The following CDH12 variants were observed in gnomAD, a reference collection of about 807,000 sequenced individuals.
CDH12 encodes cadherin 12, also known as cadherin-12.
CDH12 carries 41 observed loss-of-function variants against 74.1 expected under a neutral mutation model. That is an observed-to-expected ratio of 0.55 (90% confidence interval 0.43 to 0.72). CDH12 has a LOEUF of 0.72. CDH12 is among the 30% of genes least tolerant of loss of function. The probability of loss-of-function intolerance (pLI) is 0.00; values close to 1 mark genes in which losing one functional copy is unlikely to be tolerated. For synonymous variants in CDH12, 399 were observed against 355.0 expected, an observed-to-expected ratio of 1.12 and a Z score of -1.39; for missense variants, 945 against 977.2, an observed-to-expected ratio of 0.97 and a Z score of 0.44.
chr5:22,228,862 A>T (rs1047439411), intron 3 of CDH12, among the ~76,000 whole-genome samples: 8 of 152,192 alleles, frequency 5.3e-5, no homozygotes, highest in African/African-American at 1.9e-4. Context: ...TAACATAATT[A>T]AAGATAAAAT....
intron 2 of CDH12, among the ~76,000 whole-genome samples, chr5:22,443,634 C>T (rs573119691): frequency 4.5e-4 from 69 of 151,960 alleles, no homozygotes; most frequent in East Asian, 2.5e-3. Context: ...ATGATACAAA[C>T]GCATAAAAAT....
At chr5:22,316,051 T>C (rs990011804) in intron 3 of CDH12, among the ~76,000 whole-genome samples, 36 of 152,242 alleles carry the variant, frequency 2.4e-4, no homozygotes, top group African/African-American at 8.4e-4. Context: ...GACAAGAGAA[T>C]GTGACAGGGG....
In CDH12 at chr5:22,070,647, C is replaced by G. The variant is rs186083836; in HGVS notation, c.231+7799G>C. 3.3e-3 allele frequency among the ~76,000 whole-genome samples: 507 copies of G among 152,242 alleles called. 2 individuals are homozygous for G. Among genetic ancestry groups the G allele is most frequent in the Non-Finnish European group, 5.7e-3 (389 of 68,014 alleles). Reference sequence around the variant, plus strand: ...TAGAGGCCCCACTGCAGATTTTGAACTTGTACCTACACAACTGCATGAACC... The same window carrying G: ...TAGAGGCCCCACTGCAGATTTTGAAGTTGTACCTACACAACTGCATGAACC... On this transcript the variant is annotated intron_variant, in intron 5 of 14. Transcript: ENST00000382254.
At chr5:22,706,405 T>G (rs1365510613) in intron 1 of CDH12, among the ~76,000 whole-genome samples, 2 of 152,074 alleles carry the variant, frequency 1.3e-5, no homozygotes, top group South Asian at 4.1e-4. Context: ...ATGAAACATA[T>G]ACACAAACTA....
intron 6 of CDH12, among the ~76,000 whole-genome samples, chr5:21,905,064 G>T (rs1753573728): frequency 6.6e-6 from 1 of 152,168 alleles, no homozygotes; most frequent in African/African-American, 2.4e-5. Context: ...TACTTTGGAT[G>T]TCAATCACAA....
At chr5:22,228,847 GAACAT>G (rs768013017) in intron 3 of CDH12, among the ~76,000 whole-genome samples, 12 of 152,112 alleles carry the variant, frequency 7.9e-5, no homozygotes, top group South Asian at 2.1e-4. Context: ...CCTCCATAAT[GAACAT>G]AACATAATTA....
intron 2 of CDH12, among the ~76,000 whole-genome samples, chr5:22,447,200 T>A (rs1210089653): frequency 2.6e-5 from 4 of 152,090 alleles, no homozygotes; most frequent in Admixed American, 2.6e-4. Context: ...GTATTAGCAT[T>A]TTTTTATTCA....
chr5:21,788,130 A>T (rs1446857744), intron 10 of CDH12, among the ~76,000 whole-genome samples: 1 of 152,186 alleles, frequency 6.6e-6, no homozygotes, highest in Non-Finnish European at 1.5e-5. Context: ...TGAAGACTTT[A>T]GTTGGGAAGA....
chr5:22,474,217 C>G (rs912112141), intron 2 of CDH12, among the ~76,000 whole-genome samples: 13 of 152,088 alleles, frequency 8.5e-5, no homozygotes, highest in Non-Finnish European at 1.6e-4. Flanking sequence ...GAAGTGGCTG[C>G]AGGTTAGTTA....
chr5:21,870,472 A>T (rs1343818904), intron 6 of CDH12, among the ~76,000 whole-genome samples: 1 of 152,122 alleles, frequency 6.6e-6, no homozygotes, highest in Non-Finnish European at 1.5e-5. Flanking sequence ...CCACCATAGG[A>T]TAGCACAGCA....
At chr5:22,204,676 C>G (rs1751122760) in intron 4 of CDH12, among the ~76,000 whole-genome samples, 1 of 152,198 alleles carries the variant, frequency 6.6e-6, no homozygotes, top group Non-Finnish European at 1.5e-5. Flanking sequence ...ACTCCATTGT[C>G]ATGTTCTATC....
Position 21,817,071 on chromosome 5 carries a change from T to C in CDH12, c.876A>G (p.Arg292=), listed in dbSNP as rs1400448639. The C allele has an allele frequency of 3.7e-6, 6 of 1,612,826 alleles. No homozygotes were observed. In the South Asian group the frequency reaches 6.6e-5, roughly 18 times the overall value. Residue 292 remains arginine (R), a synonymous_variant, in exon 9 of 15, where the codon AGA becomes AGG. Coordinates refer to ENST00000382254, the MANE Select transcript of CDH12 (RefSeq NM_004061.5). ...TTTGTCCAAAATCAGGATCCACAGC[T>C]CTTATTCTTCCAATAGCTGAACCAA... ...SPIGSAIGRI[R]AVDPDFGQNA...
intron 4 of CDH12, among the ~76,000 whole-genome samples, chr5:22,099,333 A>G (rs968885721): frequency 6.6e-6 from 1 of 152,050 alleles, no homozygotes; most frequent in African/African-American, 2.4e-5. Flanking sequence ...ACCATCCTCA[A>G]TCTTCAGGAA....
intron 8 of CDH12, among the ~76,000 whole-genome samples, chr5:21,840,594 G>C (rs1001122918): frequency 2.0e-5 from 3 of 151,872 alleles, no homozygotes; most frequent in African/African-American, 4.8e-5. Flanking sequence ...CACACTACCT[G>C]ACTTCAAACT....
rs538968394 is a variant in CDH12, at chr5:22,572,255, G to C, written c.-522-66891C>G. On this transcript the variant is annotated intron_variant, in intron 1 of 14. Coordinates refer to ENST00000382254, the MANE Select transcript of CDH12 (RefSeq NM_004061.5). ...TACCGATAATGTGAAGGAATAAAAAGCCTTAAATTTTCCTTAAAATTTAAT... is the reference window on the plus strand; with the variant it reads ...TACCGATAATGTGAAGGAATAAAAACCCTTAAATTTTCCTTAAAATTTAAT... Among the ~76,000 whole-genome samples, 9 of 152,090 alleles carry C rather than the reference G, an allele frequency of 5.9e-5. No individual in the cohort carries two copies. In the East Asian group the frequency reaches 1.7e-3, roughly 29 times the overall value.
chr5:21,977,568 G>A (rs1414170506), intron 5 of CDH12, among the ~76,000 whole-genome samples: 1 of 151,964 alleles, frequency 6.6e-6, no homozygotes, highest in Non-Finnish European at 1.5e-5. Context: ...GATACAAGTA[G>A]AATTTTAAAA....
intron 3 of CDH12, among the ~76,000 whole-genome samples, chr5:22,281,790 C>T (rs577786814): frequency 6.6e-6 from 1 of 152,198 alleles, no homozygotes; most frequent in African/African-American, 2.4e-5. Context: ...TGAAAATGGC[C>T]ATACTGCCCA....
intron 3 of CDH12, among the ~76,000 whole-genome samples, chr5:22,367,086 A>G (rs903216739): frequency 3.3e-5 from 5 of 152,176 alleles, no homozygotes; most frequent in African/African-American, 1.2e-4. Context: ...ATCGAAGGGG[A>G]ATGATTAAGT....
intron 4 of CDH12, among the ~76,000 whole-genome samples, chr5:22,196,099 G>A (rs1750602464): frequency 6.6e-6 from 1 of 151,176 alleles, no homozygotes; most frequent in Non-Finnish European, 1.5e-5. Context: ...ATGTATGTGG[G>A]TGTGTGTGCA....
Sources: gnomAD v4.1 joint callset for allele counts (sites outside exome capture counted in the v4.1 genomes callset) on GRCh38, gnomAD v4.1.1 for gene constraint, MANE v1.5 for transcripts, NCBI Gene and HGNC (gene_info 2026-07-23, HGNC 2026-07-21) for gene names.